The following RBM19 variants were observed in gnomAD, a reference collection of about 807,000 sequenced individuals.
RBM19 encodes probable RNA-binding protein 19.
RBM19 carries 94 observed loss-of-function variants against 116.8 expected under a neutral mutation model. That is an observed-to-expected ratio of 0.80 (90% CI 0.68 to 0.95). The LOEUF (loss-of-function observed/expected upper bound fraction) is 0.95. Among genes scored for constraint, RBM19 ranks in the 40% least tolerant of loss-of-function variants. The pLI, the probability that RBM19 is intolerant of heterozygous loss-of-function variation, is 0.00. For missense variants in RBM19, 1,161 were observed against 1,220.7 expected, an observed-to-expected ratio of 0.95 and a Z score of 0.73; for synonymous variants, 475 against 494.1, an observed-to-expected ratio of 0.96 and a Z score of 0.51.
chr12:113,958,154 T>G (rs73401073), intron 5 of RBM19, 104 bp from the exon 6 acceptor site: 1 of 1,506,584 alleles, frequency 6.6e-7, no homozygotes, highest in Non-Finnish European at 8.8e-7. Context: ...TGAGGCACCA[T>G]GCCCACCGTG....
intron 21 of RBM19, among the ~76,000 whole-genome samples, chr12:113,907,171 A>G (rs1882111916): frequency 6.6e-6 from 1 of 152,166 alleles, no homozygotes. Flanking sequence ...GCAGCCACAG[A>G]AACTGGTACT....
At chr12:113,948,046 G>A (rs1057147344) in intron 10 of RBM19, among the ~76,000 whole-genome samples, 3 of 152,192 alleles carry the variant, frequency 2.0e-5, no homozygotes, top group African/African-American at 7.2e-5. Context: ...TTCCACTGGG[G>A]CAGGCCCCAG....
intron 21 of RBM19, among the ~76,000 whole-genome samples, chr12:113,876,088 G>T (rs1879653939): frequency 6.6e-6 from 1 of 152,204 alleles, no homozygotes; most frequent in South Asian, 2.1e-4. Context: ...CCCTCATGGG[G>T]CAAGGTGGGA....
At chr12:113,879,135 C>T (rs1009828451) in intron 21 of RBM19, among the ~76,000 whole-genome samples, 17 of 152,126 alleles carry the variant, frequency 1.1e-4, no homozygotes, top group Non-Finnish European at 2.4e-4. Context: ...GGAGCTTGCT[C>T]AATCCATGGG....
chr12:113,932,704 A>C (rs1309636770), intron 16 of RBM19: 1 of 152,288 alleles, frequency 6.6e-6, no homozygotes. Flanking sequence ...GGGAGACAAA[A>C]GAAAGATGGG....
chr12:113,878,259 G>A (rs1879812193), intron 21 of RBM19, among the ~76,000 whole-genome samples: 1 of 152,104 alleles, frequency 6.6e-6, no homozygotes. Context: ...TCCTCATCAT[G>A]TCACCCTAAA....
chr12:113,880,130 A>C (rs531445261), intron 21 of RBM19, among the ~76,000 whole-genome samples: 13 of 152,084 alleles, frequency 8.5e-5, no homozygotes, highest in Admixed American at 1.3e-4. Flanking sequence ...CAGAAAAAGA[A>C]CAAATAGGTA....
intron 22 of RBM19, among the ~76,000 whole-genome samples, chr12:113,845,220 A>G (rs1185678822): frequency 6.6e-6 from 1 of 151,954 alleles, no homozygotes; most frequent in Non-Finnish European, 1.5e-5. Flanking sequence ...GCTCTCCTTC[A>G]CTGCCCTGGT....
intron 21 of RBM19, among the ~76,000 whole-genome samples, chr12:113,893,339 A>G (rs975870344): frequency 1.3e-5 from 2 of 152,070 alleles, no homozygotes; most frequent in Non-Finnish European, 2.9e-5. Flanking sequence ...TTGTAGTGAC[A>G]TGCTGTTCTT....
Position 113,958,047 on chromosome 12 carries a change from T to C in RBM19, c.575A>G (p.Glu192Gly). The C allele has an allele frequency of 6.2e-7, 1 of 1,605,222 alleles. No homozygotes were observed. The highest frequency in any genetic ancestry group is 8.5e-7 in the Non-Finnish European group (1 of 1,176,026). The change falls in exon 6 of 24, where the codon GAG becomes GGG. Residue 192 changes from glutamate (E) to glycine (G), a missense_variant. Transcript: ENST00000261741. ...AGCTGCCTTTGGTTCGAGGCTTGCC[T>C]CTTCTGGAAAAACAGGGAAGCTGGG... is the stretch of plus-strand genomic sequence containing the variant. ...EEGAGEDLEE[E>G]ASLEPKAAVQ...
At chr12:113,965,645 T>C (rs1055295395) in intron 1 of RBM19, among the ~76,000 whole-genome samples, 1 of 152,228 alleles carries the variant, frequency 6.6e-6, no homozygotes, top group Non-Finnish European at 1.5e-5. Context: ...TGTCGGGTTC[T>C]GCGCTGGGCT....
chr12:113,901,584 C>T (rs1881695925), intron 21 of RBM19, among the ~76,000 whole-genome samples: 1 of 152,218 alleles, frequency 6.6e-6, no homozygotes, highest in African/African-American at 2.4e-5. Flanking sequence ...TCTTGGCTTA[C>T]TGCAACCTCC....
At chr12:113,849,073 C>T (rs954819521) in intron 22 of RBM19, among the ~76,000 whole-genome samples, 3 of 152,236 alleles carry the variant, frequency 2.0e-5, no homozygotes, top group African/African-American at 7.2e-5. Context: ...GGCCTCTACA[C>T]GTTGTCTCTG....
At chr12:113,945,771 C>G in intron 13 of RBM19, 57 bp downstream of exon 13, 1 of 1,421,648 alleles carries the variant, frequency 7.0e-7, no homozygotes. Context: ...GCCTCCTGCT[C>G]TTTCTCCCCT....
chr12:113,882,012 G>A (rs1880173652), intron 21 of RBM19, among the ~76,000 whole-genome samples: 1 of 152,238 alleles, frequency 6.6e-6, no homozygotes, highest in African/African-American at 2.4e-5. Flanking sequence ...TCTTATAACG[G>A]AGCTTCTGTC....
At chr12:113,836,281 T>C (rs1449338791) in intron 23 of RBM19, among the ~76,000 whole-genome samples, 2 of 151,856 alleles carry the variant, frequency 1.3e-5, no homozygotes, top group African/African-American at 4.8e-5. Flanking sequence ...GGAGGGCAGT[T>C]TGGTGGAAAA....
intron 23 of RBM19, among the ~76,000 whole-genome samples, chr12:113,831,673 C>T (rs1298480172): frequency 3.3e-5 from 5 of 152,228 alleles, no homozygotes; most frequent in Non-Finnish European, 1.5e-5. Context: ...TTGCGGAACA[C>T]AGAGAACACA....
At chr12:113,942,533 A>C in intron 13 of RBM19, 99 bp from the exon 14 acceptor site, 1 of 949,226 alleles carries the variant, frequency 1.1e-6, no homozygotes. Flanking sequence ...TGGGATGGAA[A>C]TGGATTCCAC....
intron 15 of RBM19, among the ~76,000 whole-genome samples, chr12:113,937,732 C>T (rs1424518304): frequency 7.0e-6 from 1 of 142,904 alleles, no homozygotes; most frequent in Non-Finnish European, 1.5e-5. Flanking sequence ...TCTGCCACTG[C>T]ACTCCAGGGA....
Sources: allele counts gnomAD v4.1 joint callset (sites outside exome capture counted in the v4.1 genomes callset), GRCh38; gene constraint gnomAD v4.1.1; transcripts MANE v1.5; gene names NCBI Gene and HGNC (gene_info 2026-07-23, HGNC 2026-07-21).